Variants in RRP12 observed in about 807,000 individuals in gnomAD.
RRP12 encodes the protein RRP12-like protein.
A neutral mutation model predicts 157.3 loss-of-function variants in RRP12; 78 were observed. The ratio of observed to expected loss-of-function variants is 0.50; its 90% CI spans 0.41 to 0.60. The LOEUF is 0.60. Among genes scored for constraint, RRP12 ranks in the 20% least tolerant of loss-of-function variants. The pLI is 0.00. For synonymous variants in RRP12, 726 were observed against 670.9 expected (o/e 1.08, Z -1.27); for missense variants, 1,521 against 1,679.9 (o/e 0.91, Z 1.65).
intron 30 of RRP12, among the ~76,000 whole-genome samples, chr10:97,362,022 A>G (rs943741882): frequency 3.3e-5 from 5 of 150,674 alleles, no homozygotes; most frequent in Non-Finnish European, 7.4e-5. Flanking sequence ...CAGGAGAATC[A>G]CTTGAACCTG....
At chr10:97,365,766 T>TAAA (rs541108198) in intron 29 of RRP12, 100 of 171,806 alleles carry the variant, frequency 5.8e-4, no homozygotes, top group Middle Eastern at 2.2e-3. Context: ...AAGTTTGCAT[T>TAAA]AAAAAAAAAA....
chr10:97,357,457 A>G (rs1441253009), intron 33 of RRP12, among the ~76,000 whole-genome samples: 1 of 152,162 alleles, frequency 6.6e-6, no homozygotes, highest in Non-Finnish European at 1.5e-5. Flanking sequence ...TGTCCAGAGA[A>G]GGTCAAAGCT....
In RRP12 at chr10:97,380,808, C is replaced by T. The variant is rs1395311388; in HGVS notation, c.1524G>A (p.Val508=). ...FEACGRQAHP[V]MRKCLQSLCD... ...GCCGCTCCCCACTCACCTTCCTCAT[C>T]ACAGGGTGGGCCTGTCTCCCACACG... The change falls in exon 13 of 34, where the codon GTG becomes GTA. Residue 508 remains valine (V), a synonymous_variant. Transcript: ENST00000370992. 1.2e-6 allele frequency: 2 copies of T among 1,613,238 alleles called. No individual in the cohort carries two copies. Among genetic ancestry groups the T allele is most frequent in the Non-Finnish European group, 1.7e-6 (2 of 1,179,258 alleles).
intron 29 of RRP12, 23 bp downstream of exon 29, chr10:97,366,085 A>C: frequency 6.2e-7 from 1 of 1,600,382 alleles, no homozygotes; most frequent in Non-Finnish European, 8.5e-7. Context: ...CGGTGAATGA[A>C]TGGACAAGCG....
intron 2 of RRP12, among the ~76,000 whole-genome samples, chr10:97,397,619 A>G (rs543865832): frequency 6.6e-6 from 1 of 152,166 alleles, no homozygotes; most frequent in African/African-American, 2.4e-5. Context: ...ATATTAACTT[A>G]TAAATATCGT....
chr10:97,389,746 T>A (rs563177150), intron 6 of RRP12, among the ~76,000 whole-genome samples: 101 of 152,156 alleles, frequency 6.6e-4, no homozygotes, highest in African/African-American at 2.4e-3. Flanking sequence ...GGAGTCTCGT[T>A]CTGTTGCCCA....
chr10:97,396,733 G>C (rs1844975068), intron 2 of RRP12, among the ~76,000 whole-genome samples: 1 of 152,030 alleles, frequency 6.6e-6, no homozygotes, highest in South Asian at 2.1e-4. Flanking sequence ...AAATGGTGTA[G>C]TATTTGTGTA....
At chr10:97,362,364 C>T (rs371686206) in intron 30 of RRP12, among the ~76,000 whole-genome samples, 2 of 152,244 alleles carry the variant, frequency 1.3e-5, no homozygotes, top group Admixed American at 1.3e-4. Context: ...GCTTAAGGAA[C>T]CCAGGAGGCT....
intron 2 of RRP12, among the ~76,000 whole-genome samples, chr10:97,398,018 TATATGTATATATATATACG>T: frequency 1.4e-5 from 1 of 72,870 alleles, no homozygotes; most frequent in Non-Finnish European, 3.0e-5. Flanking sequence ...TATATATATA[TATATGTATATATATATACG>T]TATTTTTTTT....
rs541896616 is a variant in RRP12 at position 97,392,640 on chromosome 10, C to T, written c.530+1044G>A. Among the ~76,000 whole-genome samples the T allele has an allele frequency of 1.1e-3, 162 of 151,902 alleles. 1 individual carries two copies. The highest frequency in any genetic ancestry group is 1.5e-3 in the Non-Finnish European group (105 of 67,946). ...CTGGGATTACAGGTATGAGCCACTG[C>T]GTCCAGCCATGACTTTTAATTTTTA... On this transcript the variant is annotated intron_variant, in intron 4 of 33. Transcript: ENST00000370992.
At chr10:97,359,908 A>G (rs1423208224) in intron 31 of RRP12, among the ~76,000 whole-genome samples, 1 of 152,202 alleles carries the variant, frequency 6.6e-6, no homozygotes, top group Non-Finnish European at 1.5e-5. Context: ...AGGGCTGAGG[A>G]CACACCAGCT....
At chr10:97,363,185 A>G (rs1213869833) in intron 30 of RRP12, among the ~76,000 whole-genome samples, 12 of 152,164 alleles carry the variant, frequency 7.9e-5, no homozygotes, top group Non-Finnish European at 1.5e-4. Flanking sequence ...AAGGGCAGAG[A>G]GGGAAGAAAC....
Position 97,373,600 on chromosome 10 carries a change from G to C in RRP12, c.2001C>G (p.Thr667=), listed in dbSNP as rs201158292. 2.1e-4 allele frequency: 331 copies of C among 1,608,142 alleles called. No homozygotes were observed. Among genetic ancestry groups the C allele is most frequent in the Middle Eastern group, 1.9e-3 (10 of 5,382 alleles). The change falls in exon 17 of 34, where the codon ACC becomes ACG. Residue 667 remains threonine (T), a synonymous_variant. Coordinates refer to ENST00000370992, the MANE Select transcript of RRP12 (RefSeq NM_015179.4). ...LRVTVCQALR[T]LITKGCQAEA... is the part of the protein sequence containing the mutation. ...CTGCCTGGCAGCCCTTGGTGATGAGGGTGCGCAGGGCCTGGCACACGGTGA... is the reference window on the plus strand; with the variant it reads ...CTGCCTGGCAGCCCTTGGTGATGAGCGTGCGCAGGGCCTGGCACACGGTGA...
chr10:97,369,725 G>T, intron 24 of RRP12, 143 bp from the exon 25 acceptor site: 2 of 849,450 alleles, frequency 2.4e-6, no homozygotes, highest in Non-Finnish European at 3.6e-6. Context: ...TTCCAATCAC[G>T]CTCCATGGAG....
At chr10:97,359,094 G>A (rs1274287217) in intron 31 of RRP12, 84 bp from the exon 32 acceptor site, 3 of 1,026,326 alleles carry the variant, frequency 2.9e-6, no homozygotes, top group Middle Eastern at 2.1e-4. Context: ...CTCTGAGAGA[G>A]CTGCAAGGGA....
intron 4 of RRP12, 119 bp from the exon 5 acceptor site, chr10:97,390,963 T>C (rs533712929): frequency 1.4e-6 from 1 of 722,488 alleles, no homozygotes; most frequent in South Asian, 1.5e-5. Context: ...ACTCAGAAAG[T>C]GAGCAACAAA....
chr10:97,384,363 A>AC (rs559092089), intron 10 of RRP12, among the ~76,000 whole-genome samples: 2 of 145,810 alleles, frequency 1.4e-5, no homozygotes, highest in Admixed American at 6.8e-5. Flanking sequence ...GGCCCTGAGG[A>AC]CCCCCCACCT....
intron 10 of RRP12, among the ~76,000 whole-genome samples, chr10:97,382,989 T>C (rs1844512743): frequency 6.6e-6 from 1 of 152,298 alleles, no homozygotes. Context: ...CTCAAACTCC[T>C]GGCCTCAAGT....
chr10:97,372,764 G>A lies in RRP12; in HGVS notation c.2221C>T (p.Leu741Phe). 5 of 1,563,466 alleles carry A rather than the reference G, an allele frequency of 3.2e-6. No individual in the cohort carries two copies. The highest frequency in any genetic ancestry group is 4.3e-6 in the Non-Finnish European group (5 of 1,153,334). The change falls in exon 19 of 34, where the codon CTC (leucine) becomes TTC (phenylalanine). Residue 741 changes from leucine (L) to phenylalanine (F), a missense_variant. Physicochemically the swap from Leu to Phe is conservative, Grantham distance 22 (BLOSUM62 0). Transcript: ENST00000370992. ...GTAAAGTCAGAGCTGGCAGGGTCGA[G>A]CACCTTCTCACTGGCTTTTTCCAGG... is the stretch of plus-strand genomic sequence containing the variant. ...SLLEKASEKVLDPASSDFTRL... is the reference protein window; with the variant it reads ...SLLEKASEKVFDPASSDFTRL...
Sources: gnomAD v4.1 joint callset for allele counts (sites outside exome capture counted in the v4.1 genomes callset) on GRCh38, gnomAD v4.1.1 for gene constraint, MANE v1.5 for transcripts, NCBI Gene and HGNC (gene_info 2026-07-23, HGNC 2026-07-21) for gene names.